Variants in RNASET2 observed in about 807,000 individuals in gnomAD.
RNASET2 encodes the protein ribonuclease T2, also known as ribonuclease 6.
In RNASET2, 28 loss-of-function variants were observed where a neutral mutation model predicts 33.9. The observed-to-expected ratio is 0.83, with a 90% CI of 0.61 to 1.13. The LOEUF is 1.13. RNASET2 is among the 50% of genes most tolerant of loss of function. The pLI is 0.00. For missense variants in RNASET2, 330 were observed against 319.9 expected (o/e 1.03, Z -0.24); for synonymous variants, 123 against 121.0 (o/e 1.02, Z -0.11).
chr6:166,938,493 CAGG>C lies in RNASET2; in HGVS notation c.446+399_446+401del, dbSNP rs1241614082. ...ACATCTCTTTCCTGCCTGCTTGTTC[CAGG>C]AGTTCTGCGGCAAAGACCTACAGAC... On this transcript the variant is annotated intron_variant, in intron 6 of 8. Coordinates refer to ENST00000508775, the MANE Select transcript of RNASET2 (RefSeq NM_003730.6). 4 of 521,734 alleles carry C rather than the reference CAGG, an allele frequency of 7.7e-6. No individual in the cohort carries two copies. In the African/African-American group the frequency reaches 7.7e-5, roughly 10 times the overall value. 32.3% of individuals were successfully genotyped at this position (521,734 alleles called of 1,614,324 possible). A position where few individuals can be genotyped will look rare whatever the true frequency, so the allele number is the denominator to read the frequency against.
intron 5 of RNASET2, among the ~76,000 whole-genome samples, chr6:166,941,316 G>A (rs1267392318): frequency 6.6e-6 from 1 of 152,124 alleles, no homozygotes; most frequent in Non-Finnish European, 1.5e-5. Flanking sequence ...GCCTTTGCAT[G>A]TTTGCTGATT....
intron 4 of RNASET2, among the ~76,000 whole-genome samples, chr6:166,944,535 G>A (rs1254037841): frequency 2.1e-5 from 3 of 145,560 alleles, no homozygotes; most frequent in Middle Eastern, 3.5e-3. Context: ...TCTCCGAGAT[G>A]TCCTAGGGCA....
At chr6:166,952,372 G>T in intron 2 of RNASET2, 116 bp downstream of exon 2, 2 of 911,632 alleles carry the variant, frequency 2.2e-6, no homozygotes, top group Non-Finnish European at 1.8e-6. Flanking sequence ...CCACCCGCCA[G>T]AGCGATGCCT....
chr6:166,929,346 A>G lies in RNASET2; in HGVS notation c.*242T>C, dbSNP rs1778363311. Reference sequence around the variant, plus strand: ...CAGGGCACTGAAGAGTTTAATAGAGAAAAAAAAAAACAATCTGTGAGCTTT... The same window carrying G: ...CAGGGCACTGAAGAGTTTAATAGAGGAAAAAAAAAACAATCTGTGAGCTTT... On this transcript the variant is annotated 3_prime_UTR_variant, in exon 9 of 9. Coordinates refer to ENST00000508775, the MANE Select transcript of RNASET2 (RefSeq NM_003730.6). Among the ~76,000 whole-genome samples the G allele has an allele frequency of 1.2e-5, 1 of 84,882 alleles. No individual in the cohort carries two copies. The highest frequency in any genetic ancestry group is 2.1e-5 in the Non-Finnish European group (1 of 47,838). 55.7% of individuals were successfully genotyped at this position (84,882 alleles called of 152,430 possible).
intron 3 of RNASET2, chr6:166,946,946 G>T (rs1470622936): frequency 9.4e-6 from 6 of 638,224 alleles, no homozygotes; most frequent in Non-Finnish European, 1.7e-5. Context: ...GAAGGGAAAA[G>T]AAATTGTGTT....
rs1778304667 is a variant in RNASET2 at position 166,926,428 on chromosome 6, G to A, written c.*3160C>T. On this transcript the variant is annotated 3_prime_UTR_variant, in exon 9 of 9. Coordinates refer to ENST00000508775, the MANE Select transcript of RNASET2 (RefSeq NM_003730.6). ...TGGCGTGCCTAGTCCCAGCTACTCG[G>A]GAGGCTGAGGCAGAAGAATTGCTTG... is the stretch of plus-strand genomic sequence containing the variant. Among the ~76,000 whole-genome samples the A allele has an allele frequency of 6.6e-6, 1 of 151,656 alleles. No individual in the cohort carries two copies. Among genetic ancestry groups the A allele is most frequent in the African/African-American group, 2.4e-5 (1 of 41,250 alleles).
In RNASET2 at chr6:166,926,513, G is replaced by A. The variant is rs189853938; in HGVS notation, c.*3075C>T. Among the ~76,000 whole-genome samples the A allele has an allele frequency of 0.014, 1,897 of 137,722 alleles. 33 individuals carry two copies. The highest frequency in any genetic ancestry group is 0.016 in the Middle Eastern group (4 of 246). 90.4% of individuals were successfully genotyped at this position (137,722 alleles called of 152,430 possible). On this transcript the variant is annotated 3_prime_UTR_variant, in exon 9 of 9. Coordinates refer to ENST00000508775, the MANE Select transcript of RNASET2 (RefSeq NM_003730.6). The stretch of plus-strand genomic sequence containing the variant: ...CGCACCACTGCACTCCAGCCTGGGC[G>A]ACAGAGTGAGACTCAGTCTCAAAAA...
At chr6:166,953,728 A>G (rs1315225483) in intron 1 of RNASET2, 3 of 152,292 alleles carry the variant, frequency 2.0e-5, no homozygotes, top group Non-Finnish European at 2.9e-5. Flanking sequence ...CTCTACAAAA[A>G]TTAGCCAGGT....
chr6:166,955,648 C>T (rs1779146449), intron 1 of RNASET2: 1 of 1,006,852 alleles, frequency 9.9e-7, no homozygotes, highest in South Asian at 4.0e-5. Flanking sequence ...AGTTTCCAGT[C>T]CAGCTCCAGG....
At position 166,927,713 on chromosome 6, in the gene RNASET2, C is replaced by CAAAAAAAAAAAA. The variant is rs58837223; in HGVS notation, c.*1863_*1874dup. 1.2e-3 allele frequency among the ~76,000 whole-genome samples: 59 copies of CAAAAAAAAAAAA among 47,292 alleles called. 2 individuals are homozygous for CAAAAAAAAAAAA. The highest frequency in any genetic ancestry group is 3.0e-3 in the African/African-American group (35 of 11,656). The allele number at this position is 47,292 out of a possible 152,430, so 31.0% of individuals were successfully genotyped here. A position where few individuals can be genotyped will look rare whatever the true frequency, so the allele number is the denominator to read the frequency against. ...TGATCCCTGTGTTCGCAAAATGACT[C>CAAAAAAAAAAAA]AAAAAAAAAAAAAAAAAAAAAAAGA... On this transcript the variant is annotated 3_prime_UTR_variant, in exon 9 of 9. Transcript: ENST00000508775.
In RNASET2 at chr6:166,938,862, TGGGAA is replaced by T. The variant is rs1008095951; in HGVS notation, c.446+28_446+32del. On this transcript the variant is annotated intron_variant, in intron 6 of 8. Coordinates refer to ENST00000508775, the MANE Select transcript of RNASET2 (RefSeq NM_003730.6). ...CTTGGGCGACAGCAGAGATCCCCAC[TGGGAA>T]GTGCAGCCGGGGGAAGGGCGCACCC... 5 of 1,482,462 alleles carry T rather than the reference TGGGAA, an allele frequency of 3.4e-6. No homozygotes were observed. The African/African-American group carries it at 6.9e-5, about 21-fold the overall frequency. 91.8% of individuals were successfully genotyped at this position (1,482,462 alleles called of 1,614,324 possible).
Position 166,946,704 on chromosome 6 carries a change from G to T in RNASET2, c.239C>A (p.Pro80His). 6.4e-7 allele frequency: 1 copy of T among 1,564,106 alleles called. No individual in the cohort carries two copies. The highest frequency in any genetic ancestry group is 2.3e-5 in the East Asian group (1 of 43,870). Residue 80 changes from proline to histidine, a missense_variant, in exon 4 of 9, where the codon CCC (proline) becomes CAC (histidine). By Grantham distance (77) the Pro-to-His change is moderately conservative. Coordinates refer to ENST00000508775, the MANE Select transcript of RNASET2 (RefSeq NM_003730.6). Reference protein sequence around the residue: ...DKSEGCNRSWPFNLEEIKDLL... With the variant: ...DKSEGCNRSWHFNLEEIKDLL... The stretch of plus-strand genomic sequence containing the variant: ...TACCTTAATCTCTTCTAAATTGAAG[G>T]GCCACGATCTATTACATCCTTCACT...
rs1026875910 is a variant in RNASET2 at position 166,927,276 on chromosome 6, G to A, written c.*2312C>T. On this transcript the variant is annotated 3_prime_UTR_variant, in exon 9 of 9. Transcript: ENST00000508775. ...CATGATCTGAGGCAGGTTATCAAACGCTCATGTTCTACCTGCTCCTGAGCT... is the reference window on the plus strand; with the variant it reads ...CATGATCTGAGGCAGGTTATCAAACACTCATGTTCTACCTGCTCCTGAGCT... Among the ~76,000 whole-genome samples, 5 of 152,132 alleles carry A rather than the reference G, an allele frequency of 3.3e-5. No individual in the cohort carries two copies. Among genetic ancestry groups the A allele is most frequent in the Admixed American group, 6.5e-5 (1 of 15,290 alleles).
chr6:166,934,026 T>C, intron 7 of RNASET2, 65 bp downstream of exon 7: 1 of 1,197,042 alleles, frequency 8.4e-7, no homozygotes, highest in Non-Finnish European at 1.3e-6. Flanking sequence ...ACTCAGAGGC[T>C]GAAACGGCCC....
chr6:166,956,179 G>C lies in RNASET2; in HGVS notation c.4C>G (p.Arg2Gly), dbSNP rs1175946131. 2 of 1,547,628 alleles carry C rather than the reference G, an allele frequency of 1.3e-6. No individual in the cohort carries two copies. The highest frequency in any genetic ancestry group is 2.4e-5 in the East Asian group (1 of 40,824). The change falls in exon 1 of 9, where the codon CGC (arginine) becomes GGC (glycine). Residue 2 changes from arginine to glycine, a missense_variant. Arg to Gly is a moderately radical substitution (Grantham distance 125, BLOSUM62 -2). Transcript: ENST00000508775. The stretch of plus-strand genomic sequence containing the variant: ...AGGGCCCCGCGCAGGGCTGCAGGGC[G>C]CATGGTGCCGACCTGCGGAGAGAAC... Reference protein sequence around the residue: MRPAALRGALLG... With the variant: MGPAALRGALLG...
At chr6:166,948,073 C>A (rs1395239312) in intron 3 of RNASET2, among the ~76,000 whole-genome samples, 2 of 152,080 alleles carry the variant, frequency 1.3e-5, no homozygotes, top group African/African-American at 4.8e-5. Flanking sequence ...TGGCTGGGCA[C>A]AGTGGCTCAC....
chr6:166,923,415 T>C lies in RNASET2; in HGVS notation c.*6173A>G, dbSNP rs1269245446. On this transcript the variant is annotated 3_prime_UTR_variant, in exon 9 of 9. Transcript: ENST00000508775. Reference sequence around the variant, plus strand: ...ATGTATTTTTAGTAGAGATAGGGTTTCGTCCTGTTGGCCAGGGTGGTCTTG... The same window carrying C: ...ATGTATTTTTAGTAGAGATAGGGTTCCGTCCTGTTGGCCAGGGTGGTCTTG... Among the ~76,000 whole-genome samples, 2 of 151,978 alleles carry C rather than the reference T, an allele frequency of 1.3e-5. No individual in the cohort carries two copies. The highest frequency in any genetic ancestry group is 3.8e-4 in the East Asian group (2 of 5,196).
At chr6:166,934,687 T>A (rs1344345571) in intron 6 of RNASET2, 1 of 168,970 alleles carries the variant, frequency 5.9e-6, no homozygotes, top group African/African-American at 2.4e-5. Flanking sequence ...CAGTACTCAG[T>A]AGAGTCACAC....
At chr6:166,937,177 C>T (rs538448056) in intron 6 of RNASET2, among the ~76,000 whole-genome samples, 1 of 152,236 alleles carries the variant, frequency 6.6e-6, no homozygotes, top group African/African-American at 2.4e-5. Context: ...GCTCTTTTCG[C>T]ACAGGCTGGA....
Sources: gnomAD v4.1 joint callset for allele counts (sites outside exome capture counted in the v4.1 genomes callset) on GRCh38, gnomAD v4.1.1 for gene constraint, MANE v1.5 for transcripts, NCBI Gene and HGNC (gene_info 2026-07-23, HGNC 2026-07-21) for gene names.